The following UIMC1 variants were observed in gnomAD, a reference collection of about 807,000 sequenced individuals.
UIMC1 encodes BRCA1-A complex subunit RAP80.
In UIMC1, 42 loss-of-function variants were observed where a neutral mutation model predicts 84.9. The ratio of observed to expected loss-of-function variants is 0.49; its 90% CI spans 0.39 to 0.64. The LOEUF (loss-of-function observed/expected upper bound fraction) is 0.64. UIMC1 is among the 30% of genes least tolerant of loss of function. The probability of loss-of-function intolerance (pLI) is 0.00; values close to 1 mark genes in which losing one functional copy is unlikely to be tolerated. For missense variants in UIMC1, 825 were observed against 847.6 expected (o/e 0.97, Z 0.33); for synonymous variants, 281 against 293.0 (o/e 0.96, Z 0.42).
At chr5:176,980,629 A>G (rs1770890704) in intron 2 of UIMC1, among the ~76,000 whole-genome samples, 1 of 152,106 alleles carries the variant, frequency 6.6e-6, no homozygotes, top group African/African-American at 2.4e-5. Context: ...CTAAACTGTT[A>G]TGTTATGGCT....
At chr5:176,958,184 T>C (rs1413482502) in intron 6 of UIMC1, 30 bp from the exon 7 acceptor site, 12 of 1,593,832 alleles carry the variant, frequency 7.5e-6, no homozygotes, top group Non-Finnish European at 9.4e-6. Flanking sequence ...ATCTTAAATA[T>C]ACAGGCACAG....
At chr5:176,955,022 T>C (rs557849421) in intron 8 of UIMC1, among the ~76,000 whole-genome samples, 20 of 152,196 alleles carry the variant, frequency 1.3e-4, no homozygotes, top group African/African-American at 4.8e-4. Context: ...TAAACATCAG[T>C]AGGAAGTCCC....
At position 176,911,343 on chromosome 5, in the gene UIMC1, C is replaced by G. The variant is rs759624488; in HGVS notation, c.1644G>C (p.Gly548=). 8.7e-6 allele frequency: 14 copies of G among 1,600,648 alleles called. No individual in the cohort carries two copies. In the South Asian group the frequency reaches 1.6e-4, roughly 18 times the overall value. ...QKEAKTKSDS[G]TAAQTSLDID... is the part of the protein sequence containing the mutation. ...TGTCTAGAGAAGTCTGGGCAGCTGT[C>G]CCACTGTCACTCTTGGTCTTGGCCT... The change falls in exon 11 of 15, where the codon GGG becomes GGC. Residue 548 remains glycine (G), a synonymous_variant. Transcript: ENST00000511320.
intron 1 of UIMC1, among the ~76,000 whole-genome samples, chr5:177,019,928 T>TG (rs1775752314): frequency 1.4e-5 from 2 of 146,042 alleles, no homozygotes; most frequent in Non-Finnish European, 3.0e-5. Context: ...ACTCCGTCTA[T>TG]AAAAAAAAAA....
Position 176,981,945 on chromosome 5 carries a change from G to A in UIMC1, c.147+524C>T, listed in dbSNP as rs145138791. The stretch of plus-strand genomic sequence containing the variant: ...GGAAAAAGGTTACAATCTTTATTCC[G>A]GAGAATAAAGCTTTCTAAAATGATA... On this transcript the variant is annotated intron_variant, in intron 2 of 14. Transcript: ENST00000511320. 1.1e-3 allele frequency among the ~76,000 whole-genome samples: 164 copies of A among 152,252 alleles called. 1 individual carries two copies. The highest frequency in any genetic ancestry group is 3.5e-3 in the African/African-American group (146 of 41,556).
At chr5:176,927,182 A>C (rs778355339) in intron 10 of UIMC1, among the ~76,000 whole-genome samples, 2 of 149,760 alleles carry the variant, frequency 1.3e-5, no homozygotes, top group East Asian at 2.0e-4. Context: ...GGGCAACATA[A>C]TAAGACACCA....
chr5:176,922,066 C>T (rs574608432), intron 10 of UIMC1, among the ~76,000 whole-genome samples: 2 of 152,276 alleles, frequency 1.3e-5, no homozygotes, highest in South Asian at 4.1e-4. Flanking sequence ...TCAAATATCA[C>T]CTCAAGAAGT....
intron 10 of UIMC1, among the ~76,000 whole-genome samples, chr5:176,917,593 A>G (rs1761170298): frequency 6.6e-6 from 1 of 152,186 alleles, no homozygotes; most frequent in Admixed American, 6.5e-5. Context: ...AAACAAAAAC[A>G]AAAAAACAAA....
chr5:176,991,974 T>C (rs1440979889), intron 1 of UIMC1, among the ~76,000 whole-genome samples: 4 of 151,856 alleles, frequency 2.6e-5, no homozygotes, highest in Non-Finnish European at 4.4e-5. Context: ...TTTTAAAAAT[T>C]AGCCAGGTGT....
At chr5:177,008,099 T>C (rs1775448585), upstream of UIMC1, among the ~76,000 whole-genome samples, 2 of 149,196 alleles carry the variant, frequency 1.3e-5, no homozygotes, top group South Asian at 4.2e-4. Context: ...AGTGAGACTC[T>C]GTCTCAAAAA....
chr5:176,957,758 G>A (rs145346353), intron 7 of UIMC1, among the ~76,000 whole-genome samples: 82 of 152,338 alleles, frequency 5.4e-4, no homozygotes, highest in African/African-American at 1.8e-3. Context: ...AATCAGTCTA[G>A]AGCCTTCAAA....
chr5:176,937,945 C>T (rs1763907216), intron 10 of UIMC1, among the ~76,000 whole-genome samples: 1 of 152,208 alleles, frequency 6.6e-6, no homozygotes. Flanking sequence ...AATCCCAGCA[C>T]TTTGGGAGGC....
intron 10 of UIMC1, among the ~76,000 whole-genome samples, chr5:176,924,440 G>A (rs1762131274): frequency 6.6e-6 from 1 of 151,988 alleles, no homozygotes; most frequent in Admixed American, 6.6e-5. Flanking sequence ...CAAGACACTT[G>A]TACTGGCATA....
chr5:176,993,522 A>G (rs540606484), intron 1 of UIMC1, among the ~76,000 whole-genome samples: 2 of 152,158 alleles, frequency 1.3e-5, no homozygotes, highest in East Asian at 3.9e-4. Flanking sequence ...AAATATATCT[A>G]ATCATCATGG....
chr5:176,915,793 C>CAAAAAAAAAAAAAAA (rs58297107), intron 10 of UIMC1, among the ~76,000 whole-genome samples: 6 of 42,644 alleles, frequency 1.4e-4, no homozygotes, highest in East Asian at 4.8e-4. Context: ...GGTCACAAAG[C>CAAAAAAAAAAAAAAA]AAAAAAAAAA....
At chr5:176,911,438 G>T in intron 10 of UIMC1, 49 bp from the exon 11 acceptor site, 1 of 1,297,418 alleles carries the variant, frequency 7.7e-7, no homozygotes, top group South Asian at 2.0e-5. Flanking sequence ...GCTGCCAGTA[G>T]ACTCTGAATA....
chr5:176,929,005 G>C (rs982737203), intron 10 of UIMC1, among the ~76,000 whole-genome samples: 1 of 152,096 alleles, frequency 6.6e-6, no homozygotes, highest in Non-Finnish European at 1.5e-5. Flanking sequence ...TGTAATCCCA[G>C]CACTTTCGGA....
chr5:176,909,255 CTA>C (rs1209948029), intron 11 of UIMC1, among the ~76,000 whole-genome samples: 1 of 152,138 alleles, frequency 6.6e-6, no homozygotes, highest in East Asian at 1.9e-4. Context: ...ATATGCATAG[CTA>C]TCTTTACCTT....
intron 10 of UIMC1, among the ~76,000 whole-genome samples, chr5:176,938,690 A>T (rs1581452849): frequency 3.3e-5 from 5 of 152,086 alleles, no homozygotes; most frequent in Admixed American, 3.3e-4. Flanking sequence ...AGGGCCCTCT[A>T]CCTTGCTATG....
Sources: gnomAD v4.1 joint callset for allele counts (sites outside exome capture counted in the v4.1 genomes callset) on GRCh38, gnomAD v4.1.1 for gene constraint, MANE v1.5 for transcripts, NCBI Gene and HGNC (gene_info 2026-07-23, HGNC 2026-07-21) for gene names.